The following NXPH2 variants were observed in gnomAD, a reference collection of about 807,000 sequenced individuals.
NXPH2 encodes the protein neurexophilin-2.
In NXPH2, 5 loss-of-function variants were observed where a neutral mutation model predicts 19.8. The observed-to-expected ratio is 0.25, with a 90% CI of 0.13 to 0.53. The LOEUF is 0.53. Ranked by LOEUF, NXPH2 falls within the 20% of genes least tolerant of loss-of-function variation. NXPH2 has a pLI of 0.96. For synonymous variants in NXPH2, 154 were observed against 127.4 expected, an observed-to-expected ratio of 1.21 and a Z score of -1.41; for missense variants, 289 against 322.8, an observed-to-expected ratio of 0.90 and a Z score of 0.80.
rs1573947533 is a variant in NXPH2 at position 138,671,147 on chromosome 2, C to T, written c.570G>A (p.Glu190=). 6.2e-7 allele frequency: 1 copy of T among 1,613,930 alleles called. No homozygotes were observed. Among genetic ancestry groups the T allele is most frequent in the Admixed American group, 1.7e-5 (1 of 60,016 alleles). The change falls in exon 2 of 2, where the codon GAG becomes GAA. Residue 190 remains glutamate, a synonymous_variant. Transcript: ENST00000272641. Reference sequence around the variant, plus strand: ...TTTTCGCCCGATCTGTTTTTTCATACTCAATGCGACAATTGAAAGATTTGG... The same window carrying T: ...TTTTCGCCCGATCTGTTTTTTCATATTCAATGCGACAATTGAAAGATTTGG... ...KESKSFNCRI[E]YEKTDRAKKT...
chr2:138,741,354 G>A (rs1041551854), intron 1 of NXPH2, among the ~76,000 whole-genome samples: 1 of 152,164 alleles, frequency 6.6e-6, no homozygotes, highest in East Asian at 1.9e-4. Context: ...ACTTAGACAC[G>A]AGGAGCTCAG....
chr2:138,772,082 A>G (rs1682187603), intron 1 of NXPH2, among the ~76,000 whole-genome samples: 1 of 152,112 alleles, frequency 6.6e-6, no homozygotes, highest in African/African-American at 2.4e-5. Flanking sequence ...CCTGTCCACT[A>G]GAAAACCAGG....
intron 1 of NXPH2, among the ~76,000 whole-genome samples, chr2:138,696,434 T>A (rs1680830005): frequency 1.3e-5 from 2 of 152,052 alleles, no homozygotes; most frequent in African/African-American, 2.4e-5. Context: ...ATGGGAAAAA[T>A]AATTGAGCCA....
intron 1 of NXPH2, among the ~76,000 whole-genome samples, chr2:138,711,474 A>G (rs1365627118): frequency 4.6e-5 from 7 of 151,696 alleles, no homozygotes; most frequent in African/African-American, 1.7e-4. Flanking sequence ...TCATTCATCC[A>G]TTTGCCTCCA....
At chr2:138,743,414 A>G (rs1193546874) in intron 1 of NXPH2, among the ~76,000 whole-genome samples, 1 of 152,248 alleles carries the variant, frequency 6.6e-6, no homozygotes, top group East Asian at 1.9e-4. Flanking sequence ...GGTAAGTGAA[A>G]GAAGCCAGTT....
In NXPH2 at chr2:138,746,895, G is replaced by C. The variant is rs116330445; in HGVS notation, c.51+33296C>G. Among the ~76,000 whole-genome samples, 265 of 152,176 alleles carry C rather than the reference G, an allele frequency of 1.7e-3. 2 individuals are homozygous for C. The highest frequency in any genetic ancestry group is 6.2e-3 in the African/African-American group (258 of 41,522). ...GGTTTTGAAGCAGAAGACAGCAAAAGAGAAGTGACTGTATGATAAACGCAG... is the reference window on the plus strand; with the variant it reads ...GGTTTTGAAGCAGAAGACAGCAAAACAGAAGTGACTGTATGATAAACGCAG... On this transcript the variant is annotated intron_variant, in intron 1 of 1. Transcript: ENST00000272641.
At position 138,669,672 on chromosome 2, in the gene NXPH2, C is replaced by T. The variant is rs1680385407; in HGVS notation, c.*1250G>A. Among the ~76,000 whole-genome samples the T allele has an allele frequency of 1.3e-5, 2 of 152,082 alleles. No homozygotes were observed. The highest frequency in any genetic ancestry group is 4.8e-5 in the African/African-American group (2 of 41,426). On this transcript the variant is annotated 3_prime_UTR_variant, in exon 2 of 2. Transcript: ENST00000272641. ...CCATGAGCGTCCTGAGTTCTAGAAG[C>T]CTTTTTCTTGGCCAACCAGACCCCT...
At chr2:138,742,234 C>T (rs1681656083) in intron 1 of NXPH2, among the ~76,000 whole-genome samples, 1 of 152,114 alleles carries the variant, frequency 6.6e-6, no homozygotes, top group Non-Finnish European at 1.5e-5. Context: ...ACTCTTGACT[C>T]CATCTTCAGG....
In NXPH2 at chr2:138,669,625, T is replaced by C. The variant is rs1680384947; in HGVS notation, c.*1297A>G. 6.6e-6 allele frequency among the ~76,000 whole-genome samples: 1 copy of C among 152,182 alleles called. No individual in the cohort carries two copies. The highest frequency in any genetic ancestry group is 2.1e-4 in the South Asian group (1 of 4,834). Reference sequence around the variant, plus strand: ...AAGAAGGGAGAAAGAAGTTAACATCTATTGTAAAAGGAGTGACCATTCCAT... The same window carrying C: ...AAGAAGGGAGAAAGAAGTTAACATCCATTGTAAAAGGAGTGACCATTCCAT... On this transcript the variant is annotated 3_prime_UTR_variant, in exon 2 of 2. Transcript: ENST00000272641.
intron 1 of NXPH2, among the ~76,000 whole-genome samples, chr2:138,716,799 C>A (rs1681202453): frequency 6.6e-6 from 1 of 152,110 alleles, no homozygotes; most frequent in Admixed American, 6.5e-5. Context: ...GTTCTAGTTC[C>A]CACCCTGGAA....
intron 1 of NXPH2, among the ~76,000 whole-genome samples, chr2:138,710,092 C>A (rs1681083346): frequency 6.6e-6 from 1 of 152,148 alleles, no homozygotes; most frequent in Admixed American, 6.5e-5. Context: ...CCTCCCAGCC[C>A]CTGGTGACTT....
chr2:138,687,906 T>G (rs1205382346), intron 1 of NXPH2, among the ~76,000 whole-genome samples: 2 of 152,232 alleles, frequency 1.3e-5, no homozygotes, highest in Non-Finnish European at 2.9e-5. Context: ...ATATCTCTGT[T>G]TTGGTACTAG....
intron 1 of NXPH2, among the ~76,000 whole-genome samples, chr2:138,758,896 G>A (rs1681957231): frequency 6.6e-6 from 1 of 152,266 alleles, no homozygotes; most frequent in African/African-American, 2.4e-5. Context: ...ATATGCTTAT[G>A]TCATGAAAGT....
intron 1 of NXPH2, among the ~76,000 whole-genome samples, chr2:138,724,216 T>A (rs1033878655): frequency 6.6e-6 from 1 of 152,238 alleles, no homozygotes; most frequent in Non-Finnish European, 1.5e-5. Context: ...CCTGTGTTAG[T>A]TCCAGCTCCA....
intron 1 of NXPH2, among the ~76,000 whole-genome samples, chr2:138,731,935 C>T (rs1380938377): frequency 6.6e-6 from 1 of 152,168 alleles, no homozygotes; most frequent in Admixed American, 6.5e-5. Context: ...TATACATTGC[C>T]TGAACCTTTG....
At chr2:138,764,316 TG>T (rs766549442) in intron 1 of NXPH2, among the ~76,000 whole-genome samples, 13 of 152,312 alleles carry the variant, frequency 8.5e-5, no homozygotes, top group South Asian at 2.1e-4. Context: ...TCTCCAAACC[TG>T]GCTGGGCCCC....
intron 1 of NXPH2, among the ~76,000 whole-genome samples, chr2:138,681,500 A>C (rs1341211985): frequency 6.6e-6 from 1 of 152,256 alleles, no homozygotes; most frequent in Non-Finnish European, 1.5e-5. Context: ...CATAGATTGC[A>C]TAGATCACCT....
At chr2:138,684,786 C>A (rs1407600668) in intron 1 of NXPH2, among the ~76,000 whole-genome samples, 1 of 152,180 alleles carries the variant, frequency 6.6e-6, no homozygotes, top group African/African-American at 2.4e-5. Context: ...GCCCAAGAGT[C>A]CCCTTTACAT....
chr2:138,688,020 G>A (rs565824725), intron 1 of NXPH2, among the ~76,000 whole-genome samples: 8 of 152,254 alleles, frequency 5.3e-5, no homozygotes, highest in East Asian at 1.9e-4. Context: ...TTGGCAATGC[G>A]GGCCCTTTTT....
Sources: allele counts gnomAD v4.1 joint callset (sites outside exome capture counted in the v4.1 genomes callset), GRCh38; gene constraint gnomAD v4.1.1; transcripts MANE v1.5; gene names NCBI Gene and HGNC (gene_info 2026-07-23, HGNC 2026-07-21).